The following TMEM192 variants were observed in gnomAD, a reference collection of about 807,000 sequenced individuals.
TMEM192 encodes the protein transmembrane protein 192.
A neutral mutation model predicts 26.7 loss-of-function variants in TMEM192; 20 were observed. The observed-to-expected ratio is 0.75, with a 90% CI of 0.53 to 1.09. The LOEUF (loss-of-function observed/expected upper bound fraction) is 1.09, where lower values mean the gene tolerates loss of function less well. TMEM192 is among the 50% of genes least tolerant of loss of function. The pLI is 0.00. For synonymous variants in TMEM192, 124 were observed against 121.0 expected (o/e 1.02, Z -0.16); for missense variants, 304 against 322.6 (o/e 0.94, Z 0.44).
Position 165,071,572 on chromosome 4 carries a change from G to C in TMEM192, c.*8086C>G, listed in dbSNP as rs11100594. 80,535 of 152,170 alleles carry C rather than the reference G, an allele frequency of 0.53. 21,517 individuals are homozygous for C. Among genetic ancestry groups the C allele is most frequent in the Admixed American group, 0.61 (9,245 of 15,266 alleles). 9.4% of individuals were successfully genotyped at this position (152,170 alleles called of 1,614,324 possible). ...CCTCCCAAAGTGCTGGGATTACAGG[G>C]GTTAGCCACCACACCTGGCCACAAG... On this transcript the variant is annotated 3_prime_UTR_variant, in exon 6 of 6. Coordinates refer to ENST00000306480, the MANE Select transcript of TMEM192 (RefSeq NM_001100389.2).
At chr4:165,109,141 CATCTGT>C (rs1453979016) in intron 1 of TMEM192, among the ~76,000 whole-genome samples, 9 of 152,314 alleles carry the variant, frequency 5.9e-5, no homozygotes, top group Admixed American at 2.0e-4. Context: ...AACTCTCTTA[CATCTGT>C]ATCTGTATCA....
chr4:165,100,950 A>T, intron 2 of TMEM192, 58 bp from the exon 3 acceptor site: 1 of 1,439,662 alleles, frequency 6.9e-7, no homozygotes, highest in Non-Finnish European at 9.3e-7. Flanking sequence ...GGAAGCAATA[A>T]CTACCATCCC....
Position 165,075,075 on chromosome 4 carries a change from C to T in TMEM192, c.*4583G>A, listed in dbSNP as rs926964599. On this transcript the variant is annotated 3_prime_UTR_variant, in exon 6 of 6. Coordinates refer to ENST00000306480, the MANE Select transcript of TMEM192 (RefSeq NM_001100389.2). Reference sequence around the variant, plus strand: ...GGGTCAAGACTTAAATAAGGTAACACCCACTATTGGTAAGGGTATGGAGAC... The same window carrying T: ...GGGTCAAGACTTAAATAAGGTAACATCCACTATTGGTAAGGGTATGGAGAC... 1 of 152,114 alleles carries T rather than the reference C, an allele frequency of 6.6e-6. No individual in the cohort carries two copies. The highest frequency in any genetic ancestry group is 2.1e-4 in the South Asian group (1 of 4,822). 9.4% of individuals were successfully genotyped at this position (152,114 alleles called of 1,614,324 possible). A position where few individuals can be genotyped will look rare whatever the true frequency, so the allele number is the denominator to read the frequency against.
Position 165,079,008 on chromosome 4 carries a change from G to A in TMEM192, c.*650C>T, listed in dbSNP as rs920483513. 6.6e-6 allele frequency: 1 copy of A among 152,178 alleles called. No homozygotes were observed. Among genetic ancestry groups the A allele is most frequent in the Non-Finnish European group, 1.5e-5 (1 of 68,062 alleles). The allele number at this position is 152,178 out of a possible 1,614,324, so 9.4% of individuals were successfully genotyped here. A position where few individuals can be genotyped will look rare whatever the true frequency, so the allele number is the denominator to read the frequency against. ...GGGTTTCACCGTGTTAGCCAGGATG[G>A]TCTCAATTTCCTGACCTCATGATCC... On this transcript the variant is annotated 3_prime_UTR_variant, in exon 6 of 6. Transcript: ENST00000306480.
intron 3 of TMEM192, among the ~76,000 whole-genome samples, chr4:165,092,623 T>C (rs1734794449): frequency 6.6e-6 from 1 of 152,230 alleles, no homozygotes; most frequent in Non-Finnish European, 1.5e-5. Context: ...GGGCAGACTC[T>C]GTAGCATCTT....
At chr4:165,104,067 G>A (rs987406295) in intron 1 of TMEM192, among the ~76,000 whole-genome samples, 1 of 152,198 alleles carries the variant, frequency 6.6e-6, no homozygotes, top group African/African-American at 2.4e-5. Context: ...AGGTTGCAGT[G>A]AGCCGAGATT....
At chr4:165,109,922 C>T (rs941363632) in intron 1 of TMEM192, among the ~76,000 whole-genome samples, 1 of 152,106 alleles carries the variant, frequency 6.6e-6, no homozygotes, top group Non-Finnish European at 1.5e-5. Flanking sequence ...AAACTTATTG[C>T]CCATAATATT....
At chr4:165,096,993 C>T (rs928223822) in intron 3 of TMEM192, among the ~76,000 whole-genome samples, 1 of 151,488 alleles carries the variant, frequency 6.6e-6, no homozygotes, top group Admixed American at 6.6e-5. Flanking sequence ...ACCCTGACAT[C>T]TTCTGGCCAA....
intron 4 of TMEM192, among the ~76,000 whole-genome samples, chr4:165,086,629 TG>T (rs1251405203): frequency 6.6e-6 from 1 of 152,028 alleles, no homozygotes; most frequent in African/African-American, 2.4e-5. Context: ...TTCACCATGT[TG>T]GCCAGGCTGT....
chr4:165,093,850 G>A (rs1181747583), intron 3 of TMEM192, among the ~76,000 whole-genome samples: 1 of 152,088 alleles, frequency 6.6e-6, no homozygotes, highest in East Asian at 1.9e-4. Context: ...CTAGTAGCTG[G>A]AATTACAGGC....
intron 3 of TMEM192, among the ~76,000 whole-genome samples, chr4:165,088,980 G>A (rs570182509): frequency 6.5e-5 from 9 of 138,430 alleles, no homozygotes; most frequent in Non-Finnish European, 1.1e-4. Flanking sequence ...GGTTGAGGCT[G>A]CAGTGAGCTG....
chr4:165,091,619 C>A (rs1179989988), intron 3 of TMEM192, among the ~76,000 whole-genome samples: 2 of 152,186 alleles, frequency 1.3e-5, no homozygotes, highest in East Asian at 3.9e-4. Flanking sequence ...ACTATTTATT[C>A]TTAGCAGCAA....
At chr4:165,103,993 G>A (rs992372971) in intron 1 of TMEM192, among the ~76,000 whole-genome samples, 6 of 152,116 alleles carry the variant, frequency 3.9e-5, no homozygotes, top group African/African-American at 1.2e-4. Context: ...ACTCTTGGCC[G>A]CAAGCTGCAA....
chr4:165,100,689 A>G lies in TMEM192; in HGVS notation c.378T>C (p.Tyr126=). Reference sequence around the variant, plus strand: ...GCCTTGTTGATCGGTAGATCAAGTTATAGCCTCGGTTTCTGATTTTGCTGT... The same window carrying G: ...GCCTTGTTGATCGGTAGATCAAGTTGTAGCCTCGGTTTCTGATTTTGCTGT... ...YHHSKIRNRG[Y]NLIYRSTRHL... Residue 126 remains tyrosine (Y), a synonymous_variant, in exon 3 of 6, where the codon TAT becomes TAC. Transcript: ENST00000306480. The G allele has an allele frequency of 6.2e-7, 1 of 1,614,154 alleles. No homozygotes were observed. The highest frequency in any genetic ancestry group is 8.5e-7 in the Non-Finnish European group (1 of 1,180,016).
chr4:165,090,503 G>A (rs1030046672), intron 3 of TMEM192, among the ~76,000 whole-genome samples: 4 of 152,078 alleles, frequency 2.6e-5, no homozygotes, highest in Non-Finnish European at 4.4e-5. Context: ...TGGACCTCAC[G>A]CAATGTACCT....
intron 5 of TMEM192, among the ~76,000 whole-genome samples, chr4:165,085,381 G>A (rs1271712498): frequency 6.6e-6 from 1 of 151,994 alleles, no homozygotes; most frequent in African/African-American, 2.4e-5. Context: ...TTGGCTAAGT[G>A]GTTAATTTTT....
chr4:165,107,715 C>T (rs1157833164), intron 1 of TMEM192, among the ~76,000 whole-genome samples: 1 of 152,150 alleles, frequency 6.6e-6, no homozygotes, highest in Non-Finnish European at 1.5e-5. Flanking sequence ...TCATGAAACA[C>T]TTTCCATCTC....
rs1166566673 is a variant in TMEM192 at position 165,072,805 on chromosome 4, G to T, written c.*6853C>A. 2.6e-5 allele frequency: 4 copies of T among 152,142 alleles called. No individual in the cohort carries two copies. Among genetic ancestry groups the T allele is most frequent in the Admixed American group, 2.0e-4 (3 of 15,232 alleles). 9.4% of individuals were successfully genotyped at this position (152,142 alleles called of 1,614,324 possible). On this transcript the variant is annotated 3_prime_UTR_variant, in exon 6 of 6. Coordinates refer to ENST00000306480, the MANE Select transcript of TMEM192 (RefSeq NM_001100389.2). ...GCTGGGGACATGTTCTGTTTGAGGT[G>T]TTTTTTTATATACCCAAGTAGTGAT...
At chr4:165,109,831 T>C (rs1003651930) in intron 1 of TMEM192, among the ~76,000 whole-genome samples, 1 of 152,356 alleles carries the variant, frequency 6.6e-6, no homozygotes, top group South Asian at 2.1e-4. Context: ...ATTCTATGCA[T>C]CTTTCAAGGT....
Sources: gnomAD v4.1 joint callset for allele counts (sites outside exome capture counted in the v4.1 genomes callset) on GRCh38, gnomAD v4.1.1 for gene constraint, MANE v1.5 for transcripts, NCBI Gene and HGNC (gene_info 2026-07-23, HGNC 2026-07-21) for gene names.